Variants in PRKN observed in about 807,000 individuals in gnomAD.
PRKN encodes the protein parkin RBR E3 ubiquitin protein ligase.
In PRKN, 56 loss-of-function variants were observed where a neutral mutation model predicts 59.5. The ratio of observed to expected loss-of-function variants is 0.94; its 90% CI spans 0.76 to 1.18. PRKN has a LOEUF of 1.18. Among genes scored for constraint, PRKN ranks in the 50% most tolerant of loss-of-function variants. The pLI is 0.00. For missense variants in PRKN, 657 were observed against 596.4 expected, an observed-to-expected ratio of 1.10 and a Z score of -1.06; for synonymous variants, 250 against 222.1, an observed-to-expected ratio of 1.13 and a Z score of -1.12.
At chr6:162,103,429 G>C (rs1307861921) in intron 4 of PRKN, among the ~76,000 whole-genome samples, 1 of 152,070 alleles carries the variant, frequency 6.6e-6, no homozygotes, top group East Asian at 1.9e-4. Flanking sequence ...GAAAGGTAAA[G>C]CACTTATTAT....
intron 1 of PRKN, among the ~76,000 whole-genome samples, chr6:162,447,442 G>GTTTGATGACGTA: frequency 6.6e-6 from 1 of 152,034 alleles, no homozygotes; most frequent in Non-Finnish European, 1.5e-5. Flanking sequence ...GTATAATATA[G>GTTTGATGACGTA]TATCAGAAAC....
intron 7 of PRKN, among the ~76,000 whole-genome samples, chr6:161,673,855 G>C (rs1442354316): frequency 1.3e-5 from 2 of 152,194 alleles, no homozygotes; most frequent in African/African-American, 4.8e-5. Context: ...GATGATGCTT[G>C]TGTCCATTTA....
chr6:162,686,457 T>C (rs1777557776), intron 1 of PRKN, among the ~76,000 whole-genome samples: 1 of 152,160 alleles, frequency 6.6e-6, no homozygotes, highest in Non-Finnish European at 1.5e-5. Flanking sequence ...TGGGGGTTTG[T>C]TTTGCTTTGG....
intron 1 of PRKN, among the ~76,000 whole-genome samples, chr6:162,475,549 GTGCATGTGTA>G (rs1235208771): frequency 5.9e-5 from 9 of 151,604 alleles, no homozygotes; most frequent in Middle Eastern, 3.4e-3. Context: ...ATGCATGTGT[GTGCATGTGTA>G]TGCATGTGAG....
intron 4 of PRKN, among the ~76,000 whole-genome samples, chr6:162,106,214 G>A (rs1485670613): frequency 6.6e-6 from 1 of 152,220 alleles, no homozygotes; most frequent in African/African-American, 2.4e-5. Context: ...CAGGCTGGGA[G>A]AAGAGATGTG....
intron 5 of PRKN, among the ~76,000 whole-genome samples, chr6:162,053,789 C>T (rs1777746736): frequency 6.6e-6 from 1 of 152,118 alleles, no homozygotes; most frequent in African/African-American, 2.4e-5. Flanking sequence ...TCTGCACTGG[C>T]TCTCCTTTTC....
chr6:161,623,293 C>T (rs1782973113), intron 7 of PRKN, among the ~76,000 whole-genome samples: 1 of 152,114 alleles, frequency 6.6e-6, no homozygotes, highest in Admixed American at 6.5e-5. Flanking sequence ...GTTTTTCTGC[C>T]TCTCTTCAAC....
At chr6:161,506,080 G>A (rs1176157645) in intron 9 of PRKN, among the ~76,000 whole-genome samples, 1 of 150,966 alleles carries the variant, frequency 6.6e-6, no homozygotes, top group Non-Finnish European at 1.5e-5. Context: ...TTGGTAGCTT[G>A]ATGGGGATGG....
chr6:161,871,504 A>G (rs1209985252), intron 6 of PRKN, among the ~76,000 whole-genome samples: 3 of 152,192 alleles, frequency 2.0e-5, no homozygotes, highest in Non-Finnish European at 4.4e-5. Flanking sequence ...GTTGCACTCT[A>G]CTTTAAAAAG....
At chr6:162,605,541 A>G (rs984241061) in intron 1 of PRKN, among the ~76,000 whole-genome samples, 1 of 152,142 alleles carries the variant, frequency 6.6e-6, no homozygotes, top group Non-Finnish European at 1.5e-5. Flanking sequence ...AACTCAAAAT[A>G]CTAAAGACAA....
chr6:162,277,888 A>G (rs760401144), intron 2 of PRKN, among the ~76,000 whole-genome samples: 5 of 152,216 alleles, frequency 3.3e-5, no homozygotes, highest in African/African-American at 4.8e-5. Flanking sequence ...TAAACATACT[A>G]TAACCACACA....
chr6:161,929,821 AT>A (rs1554250491), intron 6 of PRKN, among the ~76,000 whole-genome samples: 1 of 152,068 alleles, frequency 6.6e-6, no homozygotes, highest in African/African-American at 2.4e-5. Context: ...TCTCACGTCA[AT>A]TTTTTTAAAA....
intron 1 of PRKN, among the ~76,000 whole-genome samples, chr6:162,540,564 C>CA (rs1778888907): frequency 6.6e-6 from 1 of 151,954 alleles, no homozygotes; most frequent in African/African-American, 2.4e-5. Context: ...GCCCAGCACT[C>CA]AGGGAGGCTG....
chr6:162,660,580 G>C (rs182977753), intron 1 of PRKN, among the ~76,000 whole-genome samples: 14 of 152,222 alleles, frequency 9.2e-5, no homozygotes, highest in Non-Finnish European at 1.8e-4. Context: ...GCAGACCTCT[G>C]AGACAGTGTT....
chr6:162,445,806 G>T (rs1486720273), intron 1 of PRKN, among the ~76,000 whole-genome samples: 1 of 150,566 alleles, frequency 6.6e-6, no homozygotes, highest in Non-Finnish European at 1.5e-5. Context: ...TCCCTATATG[G>T]GTGTGCAGTA....
At chr6:161,411,859 TCACC>T in intron 9 of PRKN, among the ~76,000 whole-genome samples, 1 of 145,184 alleles carries the variant, frequency 6.9e-6, no homozygotes, top group African/African-American at 2.6e-5. Context: ...CATTCCTTCC[TCACC>T]CATTCCTTCT....
chr6:161,977,831 G>A (rs1027206196), intron 5 of PRKN, among the ~76,000 whole-genome samples: 13 of 151,156 alleles, frequency 8.6e-5, no homozygotes, highest in African/African-American at 2.9e-4. Context: ...GTACAGGTGT[G>A]AGCCACCACG....
At chr6:162,275,291 T>C (rs1375048397) in intron 2 of PRKN, 2 of 141,614 alleles carry the variant, frequency 1.4e-5, no homozygotes, top group Non-Finnish European at 2.9e-5. Flanking sequence ...GATCTTTTAA[T>C]ATTATCACTT....
At chr6:161,520,132 CT>C (rs1366965593) in intron 9 of PRKN, among the ~76,000 whole-genome samples, 1 of 151,672 alleles carries the variant, frequency 6.6e-6, no homozygotes, top group Non-Finnish European at 1.5e-5. Flanking sequence ...GCTTATGAGT[CT>C]TCGATGACAA....
Sources: allele counts gnomAD v4.1 joint callset (sites outside exome capture counted in the v4.1 genomes callset), GRCh38; gene constraint gnomAD v4.1.1; transcripts MANE v1.5; gene names NCBI Gene and HGNC (gene_info 2026-07-23, HGNC 2026-07-21).